NECAB1: variants seen among roughly 807,000 people sequenced by gnomAD.
NECAB1 encodes N-terminal EF-hand calcium-binding protein 1.
Under a neutral mutation model 57.5 loss-of-function variants are expected in NECAB1, and 29 were observed. The ratio of observed to expected loss-of-function variants is 0.50; its 90% confidence interval spans 0.38 to 0.69. The LOEUF (loss-of-function observed/expected upper bound fraction) is 0.69. Among genes scored for constraint, NECAB1 ranks in the 30% least tolerant of loss-of-function variants. The probability of loss-of-function intolerance (pLI) is 0.00; values close to 1 mark genes in which losing one functional copy is unlikely to be tolerated. For missense variants in NECAB1, 372 were observed against 413.8 expected (o/e 0.90, Z 0.88); for synonymous variants, 142 against 147.7 (o/e 0.96, Z 0.28).
intron 4 of NECAB1, chr8:90,872,574 G>C (rs1157230323): frequency 1.3e-5 from 2 of 153,246 alleles, no homozygotes; most frequent in African/African-American, 4.8e-5. Context: ...AACCATTCTG[G>C]AGTTGTAAAT....
chr8:90,826,074 C>T (rs1309394233), intron 3 of NECAB1, among the ~76,000 whole-genome samples: 5 of 151,702 alleles, frequency 3.3e-5, no homozygotes, highest in African/African-American at 9.7e-5. Context: ...TTTACAGGAT[C>T]TGAGTCATTA....
intron 5 of NECAB1, among the ~76,000 whole-genome samples, chr8:90,887,153 G>C (rs1452313317): frequency 2.0e-5 from 3 of 152,078 alleles, no homozygotes; most frequent in African/African-American, 4.8e-5. Context: ...TGAACATCGA[G>C]AACCTCTGCA....
chr8:90,931,741 T>C (rs1288422932), intron 8 of NECAB1, among the ~76,000 whole-genome samples: 1 of 151,764 alleles, frequency 6.6e-6, no homozygotes, highest in African/African-American at 2.4e-5. Flanking sequence ...CCATCTCTAC[T>C]AAAAATACAA....
chr8:90,894,537 G>C (rs1809275901), intron 5 of NECAB1, among the ~76,000 whole-genome samples: 1 of 152,128 alleles, frequency 6.6e-6, no homozygotes, highest in Non-Finnish European at 1.5e-5. Flanking sequence ...GATGTTGGGA[G>C]GATAAAATGA....
At chr8:90,851,508 G>A (rs763076243) in intron 3 of NECAB1, among the ~76,000 whole-genome samples, 2 of 152,124 alleles carry the variant, frequency 1.3e-5, no homozygotes, top group Non-Finnish European at 2.9e-5. Context: ...TATCCAGACT[G>A]TTGGAGAATT....
chr8:90,859,689 G>C (rs1812860543), intron 3 of NECAB1, among the ~76,000 whole-genome samples: 1 of 151,988 alleles, frequency 6.6e-6, no homozygotes, highest in Non-Finnish European at 1.5e-5. Flanking sequence ...TTATTGGGAG[G>C]GCCAATTTCT....
chr8:90,861,814 G>A (rs1052513624), intron 3 of NECAB1, among the ~76,000 whole-genome samples: 1 of 152,178 alleles, frequency 6.6e-6, no homozygotes, highest in Non-Finnish European at 1.5e-5. Context: ...GTAAATGGGA[G>A]AGCCAGGGCA....
intron 1 of NECAB1, among the ~76,000 whole-genome samples, chr8:90,798,224 G>A (rs149853657): frequency 5.2e-4 from 79 of 152,284 alleles, no homozygotes; most frequent in African/African-American, 1.9e-3. Context: ...ATTGGACTTA[G>A]GGACCACCCA....
chr8:90,953,718 C>G (rs973610082), intron 12 of NECAB1, among the ~76,000 whole-genome samples: 2 of 152,106 alleles, frequency 1.3e-5, no homozygotes, highest in Non-Finnish European at 2.9e-5. Flanking sequence ...ACTTCTAACA[C>G]TATTTTTAAA....
At chr8:90,906,889 A>ATATATATATATATATGTATATATATG (rs1563528252) in intron 5 of NECAB1, among the ~76,000 whole-genome samples, 1 of 72,856 alleles carries the variant, frequency 1.4e-5, no homozygotes, top group African/African-American at 5.7e-5. Flanking sequence ...ATATATATAT[A>ATATATATATATATATGTATATATATG]TATATATATA....
At chr8:90,818,680 T>C (rs1314842227) in intron 2 of NECAB1, among the ~76,000 whole-genome samples, 4 of 152,140 alleles carry the variant, frequency 2.6e-5, no homozygotes, top group Admixed American at 2.6e-4. Context: ...TTTGGTATGT[T>C]GCAGTTTGAA....
chr8:90,831,457 A>G (rs1275337947), intron 3 of NECAB1, among the ~76,000 whole-genome samples: 1 of 152,084 alleles, frequency 6.6e-6, no homozygotes, highest in Non-Finnish European at 1.5e-5. Flanking sequence ...CTCCTTCCCC[A>G]AGAGGGCAAG....
At chr8:90,839,679 C>A (rs766259862) in intron 3 of NECAB1, among the ~76,000 whole-genome samples, 1 of 152,046 alleles carries the variant, frequency 6.6e-6, no homozygotes, top group Admixed American at 6.5e-5. Flanking sequence ...AGCCTGTAGA[C>A]GAGAGAGAGT....
chr8:90,940,539 TTAAAGGGAAACACGTCATTG>T, intron 9 of NECAB1: 1 of 412,548 alleles, frequency 2.4e-6, no homozygotes, highest in Non-Finnish European at 4.4e-6. Flanking sequence ...ATCACTGCTT[TTAAAGGGAAACACGTCATTG>T]TAAAGAACAC....
intron 5 of NECAB1, among the ~76,000 whole-genome samples, chr8:90,893,525 A>AGT (rs1201149050): frequency 2.6e-5 from 4 of 152,182 alleles, no homozygotes; most frequent in Admixed American, 2.0e-4. Context: ...ACAGATGGAC[A>AGT]GCCCAGATGG....
chr8:90,848,742 T>C (rs1812617284), intron 3 of NECAB1, among the ~76,000 whole-genome samples: 2 of 152,148 alleles, frequency 1.3e-5, no homozygotes, highest in East Asian at 3.9e-4. Context: ...CCCAGCACTT[T>C]GGGAGGCTGA....
intron 2 of NECAB1, among the ~76,000 whole-genome samples, chr8:90,823,326 A>C (rs562970533): frequency 4.0e-4 from 61 of 152,050 alleles, no homozygotes; most frequent in Admixed American, 2.0e-3. Flanking sequence ...GTTAAAAAGC[A>C]AAATGAAATA....
At position 90,951,094 on chromosome 8, in the gene NECAB1, C is replaced by T. The variant is rs768325831; in HGVS notation, c.939-19C>T. ...TGTAAATAAAAATGCACAGCCTTAA[C>T]CTATAATTATTTATACAGCCACCTT... On this transcript the variant is annotated intron_variant, in intron 11 of 12. Transcript: ENST00000417640. The T allele has an allele frequency of 1.2e-5, 18 of 1,462,186 alleles. No individual in the cohort carries two copies. The South Asian group carries it at 2.1e-4, about 17-fold the overall frequency. The allele number at this position is 1,462,186 out of a possible 1,614,324, so 90.6% of individuals were successfully genotyped here.
In NECAB1 at chr8:90,955,711, T is replaced by C. The variant is rs1426569816; in HGVS notation, c.*199T>C. 2.1e-6 allele frequency: 1 copy of C among 465,136 alleles called. No homozygotes were observed. The highest frequency in any genetic ancestry group is 2.0e-5 in the African/African-American group (1 of 49,396). 28.8% of individuals were successfully genotyped at this position (465,136 alleles called of 1,614,324 possible). The stretch of plus-strand genomic sequence containing the variant: ...TAGCTCAATTTTCAAAGTTCACTAA[T>C]ATTCTCAATATTTAATGCTAAATGC... On this transcript the variant is annotated 3_prime_UTR_variant, in exon 13 of 13. Coordinates refer to ENST00000417640, the MANE Select transcript of NECAB1 (RefSeq NM_022351.5).
Sources: allele counts gnomAD v4.1 joint callset (sites outside exome capture counted in the v4.1 genomes callset), GRCh38; gene constraint gnomAD v4.1.1; transcripts MANE v1.5; gene names NCBI Gene and HGNC (gene_info 2026-07-23, HGNC 2026-07-21).